PJA2: variants seen among roughly 807,000 people sequenced by gnomAD.
PJA2 encodes praja ring finger ubiquitin ligase 2.
A neutral mutation model predicts 69.3 loss-of-function variants in PJA2; 25 were observed. The ratio of observed to expected loss-of-function variants is 0.36; its 90% confidence interval spans 0.26 to 0.50. The LOEUF (loss-of-function observed/expected upper bound fraction) is 0.50, where lower values mean the gene tolerates loss of function less well. PJA2 is among the 20% of genes least tolerant of loss of function. The pLI, the probability that PJA2 is intolerant of heterozygous loss-of-function variation, is 0.96. For synonymous variants in PJA2, 308 were observed against 277.8 expected (o/e 1.11, Z -1.08); for missense variants, 809 against 830.2 (o/e 0.97, Z 0.31).
intron 1 of PJA2, among the ~76,000 whole-genome samples, chr5:109,397,156 C>G (rs1582628626): frequency 6.6e-6 from 1 of 152,174 alleles, no homozygotes; most frequent in East Asian, 1.9e-4. Context: ...TGGAAGCAGA[C>G]AGCAGCCCTC....
rs952366743 is a variant in PJA2, at chr5:109,379,126, C to T, written c.361G>A (p.Ala121Thr). 6.2e-7 allele frequency: 1 copy of T among 1,613,966 alleles called. No homozygotes were observed. The highest frequency in any genetic ancestry group is 8.5e-7 in the Non-Finnish European group (1 of 1,180,034). The change falls in exon 4 of 10, where the codon GCA becomes ACA. Residue 121 changes from alanine to threonine, a missense_variant. Ala to Thr is a moderately conservative substitution (Grantham distance 58). Transcript: ENST00000361189. ...QTTESSQSFV[A>T]VHHSEEGRDT... ...CTGCCTTCCTCACTGTGATGTACTG[C>T]AACAAAGGATTGACTGCTCTCAGTG... is the stretch of plus-strand genomic sequence containing the variant.
At chr5:109,387,754 T>C (rs933782281) in intron 1 of PJA2, among the ~76,000 whole-genome samples, 1 of 152,160 alleles carries the variant, frequency 6.6e-6, no homozygotes, top group African/African-American at 2.4e-5. Context: ...GGAATCATCT[T>C]TAAAGAATGC....
chr5:109,348,955 G>A (rs1236587330), intron 7 of PJA2, among the ~76,000 whole-genome samples: 2 of 152,102 alleles, frequency 1.3e-5, no homozygotes, highest in Non-Finnish European at 2.9e-5. Context: ...CCAGTTGTTG[G>A]AAGTTAAATT....
intron 5 of PJA2, among the ~76,000 whole-genome samples, chr5:109,364,643 T>C (rs918034401): frequency 7.1e-6 from 1 of 141,386 alleles, no homozygotes; most frequent in South Asian, 2.1e-4. Flanking sequence ...AAAAAAAAAT[T>C]TCAGTGTCAT....
intron 5 of PJA2, among the ~76,000 whole-genome samples, chr5:109,363,824 G>A (rs1159382070): frequency 6.6e-6 from 1 of 152,050 alleles, no homozygotes; most frequent in African/African-American, 2.4e-5. Flanking sequence ...ATAAGGAGGA[G>A]ATAAAGGAAG....
Position 109,403,224 on chromosome 5 carries a change from C to T in PJA2, c.-88+6618G>A, listed in dbSNP as rs150416975. ...TAATTAAGAAACAACTTTATGACAA[C>T]GAATAAATGAAATAAGACAAATGCC... On this transcript the variant is annotated intron_variant, in intron 1 of 9. Coordinates refer to ENST00000361189, the MANE Select transcript of PJA2 (RefSeq NM_014819.5). Among the ~76,000 whole-genome samples, 336 of 152,134 alleles carry T rather than the reference C, an allele frequency of 2.2e-3. 5 individuals are homozygous for T. Among genetic ancestry groups the T allele is most frequent in the African/African-American group, 7.1e-3 (293 of 41,530 alleles).
intron 7 of PJA2, among the ~76,000 whole-genome samples, chr5:109,346,676 T>C (rs902732202): frequency 6.6e-6 from 1 of 152,234 alleles, no homozygotes; most frequent in Non-Finnish European, 1.5e-5. Context: ...AAGTACTGTA[T>C]GATTCTTACA....
chr5:109,390,498 G>A (rs965721546), intron 1 of PJA2: 1 of 151,822 alleles, frequency 6.6e-6, no homozygotes, highest in Admixed American at 6.6e-5. Flanking sequence ...ATAGAATATA[G>A]GTAGGTCTTA....
chr5:109,402,059 A>T (rs942171261), intron 1 of PJA2, among the ~76,000 whole-genome samples: 1 of 152,318 alleles, frequency 6.6e-6, no homozygotes, highest in Admixed American at 6.5e-5. Context: ...CTATTATTAA[A>T]GATGTAAAAT....
At chr5:109,367,206 G>A (rs1332391410) in intron 5 of PJA2, among the ~76,000 whole-genome samples, 2 of 148,082 alleles carry the variant, frequency 1.4e-5, no homozygotes, top group Non-Finnish European at 1.5e-5. Flanking sequence ...CTCTCATGAA[G>A]AGGAAAAAAA....
chr5:109,363,179 G>A (rs1207176019), intron 5 of PJA2, among the ~76,000 whole-genome samples, 157 bp from the exon 6 acceptor site: 1 of 151,784 alleles, frequency 6.6e-6, no homozygotes, highest in African/African-American at 2.4e-5. Context: ...GCAGAATTAT[G>A]TAAAAAAAGG....
chr5:109,357,169 T>A (rs1380783463), intron 6 of PJA2, among the ~76,000 whole-genome samples: 2 of 152,134 alleles, frequency 1.3e-5, no homozygotes, highest in Admixed American at 1.3e-4. Context: ...GCACCCTGAG[T>A]AGATGTACTC....
Position 109,407,864 on chromosome 5 carries a change from G to A in PJA2, c.-88+1978C>T, listed in dbSNP as rs183702806. ...TATAAAACAAGATGTGAATAAAATGGAGAGGCCACATTTCTGAGGAGAGAG... is the reference window on the plus strand; with the variant it reads ...TATAAAACAAGATGTGAATAAAATGAAGAGGCCACATTTCTGAGGAGAGAG... On this transcript the variant is annotated intron_variant, in intron 1 of 9. Coordinates refer to ENST00000361189, the MANE Select transcript of PJA2 (RefSeq NM_014819.5). Among the ~76,000 whole-genome samples, 325 of 152,180 alleles carry A rather than the reference G, an allele frequency of 2.1e-3. 2 individuals carry two copies. The highest frequency in any genetic ancestry group is 8.3e-3 in the South Asian group (40 of 4,828).
chr5:109,402,015 T>C (rs2416209), intron 1 of PJA2, among the ~76,000 whole-genome samples: 7,656 of 152,240 alleles, frequency 0.05, 206 homozygotes, highest in African/African-American at 0.072. Context: ...TCTGACACTA[T>C]ATAAAATGTG....
intron 9 of PJA2, among the ~76,000 whole-genome samples, chr5:109,340,646 CCCCCTCCCCCTCCCCCTCCCCCT>C (rs1285691432): frequency 0.065 from 84 of 1,296 alleles, 18 homozygotes; most frequent in Non-Finnish European, 0.18. Flanking sequence ...CCCTCCCCCT[CCCCCTCCCCCTCCCCCTCCCCCT>C]CCCTCTCCCC....
intron 7 of PJA2, among the ~76,000 whole-genome samples, chr5:109,353,246 A>C (rs978340943): frequency 7.5e-6 from 1 of 133,694 alleles, no homozygotes; most frequent in Non-Finnish European, 1.6e-5. Context: ...TATAATATCT[A>C]TAGATATCTA....
At position 109,368,715 on chromosome 5, in the gene PJA2, A is replaced by C. The variant is rs760045772; in HGVS notation, c.1315T>G (p.Ser439Ala). 13 of 1,614,006 alleles carry C rather than the reference A, an allele frequency of 8.1e-6. No homozygotes were observed. Among genetic ancestry groups the C allele is most frequent in the African/African-American group, 1.3e-5 (1 of 75,020 alleles). Residue 439 changes from serine to alanine, a missense_variant, in exon 5 of 10, where the codon TCT (serine) becomes GCT (alanine). Physicochemically the swap from Ser to Ala is moderately conservative, Grantham distance 99. Around this residue, in one of 4 missense-constraint regions of PJA2, gnomAD observed 700 missense variants for 639.5 expected, o/e 1.09. Coordinates refer to ENST00000361189, the MANE Select transcript of PJA2 (RefSeq NM_014819.5). ...SECSDGEWSA[S>A]LPHRFSGTEK... is the part of the protein sequence containing the mutation. ...GTACCAGAAAATCGATGAGGCAAAGAAGCAGACCATTCCCCATCACTGCAT... is the reference window on the plus strand; with the variant it reads ...GTACCAGAAAATCGATGAGGCAAAGCAGCAGACCATTCCCCATCACTGCAT...
intron 1 of PJA2, among the ~76,000 whole-genome samples, chr5:109,398,250 A>C (rs1308845805): frequency 6.6e-6 from 1 of 152,170 alleles, no homozygotes; most frequent in Non-Finnish European, 1.5e-5. Context: ...TAGAAATACC[A>C]TTTGACCCAG....
At chr5:109,345,356 CAA>C (rs564326349) in intron 7 of PJA2, among the ~76,000 whole-genome samples, 17 of 115,752 alleles carry the variant, frequency 1.5e-4, no homozygotes, top group African/African-American at 9.6e-5. Flanking sequence ...AACTCCATCT[CAA>C]AAAAAAAAAA....
Sources: gnomAD v4.1 joint callset for allele counts (sites outside exome capture counted in the v4.1 genomes callset) on GRCh38, gnomAD v4.1.1 for gene constraint, gnomAD v4.1.1 regional missense constraint, MANE v1.5 for transcripts, NCBI Gene and HGNC (gene_info 2026-07-23, HGNC 2026-07-21) for gene names.